Variants in SNAPC3 observed in about 807,000 individuals in gnomAD.
SNAPC3 encodes snRNA-activating protein complex subunit 3.
A neutral mutation model predicts 47.7 loss-of-function variants in SNAPC3; 56 were observed. The observed-to-expected ratio is 1.18, with a 90% CI of 0.95 to 1.47. The LOEUF (loss-of-function observed/expected upper bound fraction) is 1.47, where lower values mean the gene tolerates loss of function less well. SNAPC3 is among the 40% of genes most tolerant of loss of function. SNAPC3 has a pLI of 0.00. For missense variants in SNAPC3, 665 were observed against 511.3 expected (o/e 1.30, Z -2.90); for synonymous variants, 235 against 189.9 (o/e 1.24, Z -1.95).
intron 3 of SNAPC3, among the ~76,000 whole-genome samples, chr9:15,435,652 C>T (rs1027543982): frequency 1.3e-4 from 19 of 151,468 alleles, no homozygotes; most frequent in African/African-American, 3.9e-4. Context: ...TCACTAGAAC[C>T]CAGGAGGTGG....
At chr9:15,463,942 AC>A (rs2035432199), downstream of SNAPC3, 1 of 162,494 alleles carries the variant, frequency 6.2e-6, no homozygotes, top group South Asian at 2.0e-4. Context: ...CTGTTTAGTT[AC>A]CCCGTTTCCC....
chr9:15,431,150 G>T (rs1428642877), intron 2 of SNAPC3, among the ~76,000 whole-genome samples: 1 of 152,122 alleles, frequency 6.6e-6, no homozygotes, highest in African/African-American at 2.4e-5. Flanking sequence ...GCAGTCTGAA[G>T]CACCCCGCGC....
At chr9:15,463,953 CA>C, downstream of SNAPC3, 1 of 163,892 alleles carries the variant, frequency 6.1e-6, no homozygotes, top group Admixed American at 6.4e-5. Context: ...CCCCGTTTCC[CA>C]AAACAGCACA....
At chr9:15,426,592 G>C (rs979401852) in intron 2 of SNAPC3, among the ~76,000 whole-genome samples, 1 of 152,122 alleles carries the variant, frequency 6.6e-6, no homozygotes, top group African/African-American at 2.4e-5. Flanking sequence ...TTTAGAGATA[G>C]ACTGAAAAAA....
chr9:15,445,239 T>C (rs1252272223), intron 4 of SNAPC3, among the ~76,000 whole-genome samples: 1 of 152,238 alleles, frequency 6.6e-6, no homozygotes, highest in Non-Finnish European at 1.5e-5. Flanking sequence ...ACAGGTATAG[T>C]ATTGAAATAT....
At chr9:15,433,030 TATG>T (rs1335176877) in intron 2 of SNAPC3, among the ~76,000 whole-genome samples, 1 of 152,182 alleles carries the variant, frequency 6.6e-6, no homozygotes, top group Non-Finnish European at 1.5e-5. Context: ...AACATCTTGA[TATG>T]ATATAATGAG....
intron 7 of SNAPC3, among the ~76,000 whole-genome samples, chr9:15,455,552 G>A (rs2034715182): frequency 6.6e-6 from 1 of 151,998 alleles, no homozygotes; most frequent in Non-Finnish European, 1.5e-5. Context: ...GGGTGACAGA[G>A]CAAGACTGTA....
chr9:15,461,790 C>G (rs1347164420), downstream of SNAPC3: 1 of 152,194 alleles, frequency 6.6e-6, no homozygotes, highest in African/African-American at 2.4e-5. Context: ...TTGGAGATGA[C>G]AAGCACGAGT....
downstream of SNAPC3, chr9:15,465,458 C>G: frequency 7.3e-7 from 1 of 1,379,088 alleles, no homozygotes; most frequent in Non-Finnish European, 1.0e-6. Context: ...TTTCAGCAGT[C>G]TATTTCAAAT....
intron 7 of SNAPC3, among the ~76,000 whole-genome samples, chr9:15,454,032 C>T (rs576782662): frequency 1.9e-4 from 29 of 152,120 alleles, no homozygotes; most frequent in African/African-American, 6.7e-4. Flanking sequence ...CCCAGGAGTT[C>T]GAGACCAGCC....
chr9:15,427,262 A>G (rs1378343450), intron 2 of SNAPC3, among the ~76,000 whole-genome samples: 1 of 152,202 alleles, frequency 6.6e-6, no homozygotes, highest in Admixed American at 6.5e-5. Flanking sequence ...ATTCCTAGGA[A>G]TAGGAGAGAT....
chr9:15,433,361 C>T (rs2032403578), intron 2 of SNAPC3, among the ~76,000 whole-genome samples, 191 bp from the exon 3 acceptor site: 1 of 151,666 alleles, frequency 6.6e-6, no homozygotes, highest in Non-Finnish European at 1.5e-5. Context: ...ATTTCCTGTT[C>T]TTAATTGTCT....
Position 15,460,744 on chromosome 9 carries a change from T to C in SNAPC3, c.*878T>C, listed in dbSNP as rs1316072123. The C allele has an allele frequency of 1.3e-5, 2 of 152,216 alleles. No homozygotes were observed. Among genetic ancestry groups the C allele is most frequent in the South Asian group, 2.1e-4 (1 of 4,836 alleles). 9.4% of individuals were successfully genotyped at this position (152,216 alleles called of 1,614,324 possible). ...TGTTTAGTAATGTTAGGTTTTGTTT[T>C]GGAGGAAACTAGGCATACAAGACAT... On this transcript the variant is annotated 3_prime_UTR_variant, in exon 9 of 9. Coordinates refer to ENST00000380821, the MANE Select transcript of SNAPC3 (RefSeq NM_001039697.2).
intron 3 of SNAPC3, among the ~76,000 whole-genome samples, chr9:15,442,837 T>C (rs1022567372): frequency 7.2e-5 from 11 of 152,046 alleles, no homozygotes; most frequent in African/African-American, 9.7e-5. Flanking sequence ...AGGTGGAGGT[T>C]GTAGCAAGCC....
intron 5 of SNAPC3, among the ~76,000 whole-genome samples, chr9:15,449,557 A>ATTTTTTT (rs1563851150): frequency 2.3e-5 from 1 of 43,446 alleles, no homozygotes; most frequent in South Asian, 7.3e-4. Flanking sequence ...ATATATATAT[A>ATTTTTTT]TATATATTTT....
intron 8 of SNAPC3, among the ~76,000 whole-genome samples, 194 bp from the exon 9 acceptor site, chr9:15,459,525 C>G (rs1587424810): frequency 6.6e-6 from 1 of 152,226 alleles, no homozygotes; most frequent in East Asian, 1.9e-4. Flanking sequence ...GTTAGATGCC[C>G]TTTCGCTTTG....
At chr9:15,443,059 C>T (rs2033628312) in intron 3 of SNAPC3, among the ~76,000 whole-genome samples, 1 of 152,174 alleles carries the variant, frequency 6.6e-6, no homozygotes. Context: ...CAATCCCAGG[C>T]ACTCGGCAGG....
chr9:15,430,314 C>T (rs978918272), intron 2 of SNAPC3, among the ~76,000 whole-genome samples: 2 of 152,108 alleles, frequency 1.3e-5, no homozygotes, highest in Non-Finnish European at 2.9e-5. Context: ...CACCTGTGCT[C>T]CCAGCTACTC....
At chr9:15,442,706 G>T (rs1202583958) in intron 3 of SNAPC3, among the ~76,000 whole-genome samples, 4 of 151,664 alleles carry the variant, frequency 2.6e-5, no homozygotes, top group Non-Finnish European at 5.9e-5. Flanking sequence ...CAGGCAGAGG[G>T]GCTCCTCACA....
Sources: gnomAD v4.1 joint callset for allele counts (sites outside exome capture counted in the v4.1 genomes callset) on GRCh38, gnomAD v4.1.1 for gene constraint, MANE v1.5 for transcripts, NCBI Gene and HGNC (gene_info 2026-07-23, HGNC 2026-07-21) for gene names.